Variants in RPS6KC1 observed in about 807,000 individuals in gnomAD.
RPS6KC1 encodes the protein inactive ribosomal protein S6 kinase delta-1.
Under a neutral mutation model 103.8 loss-of-function variants are expected in RPS6KC1, and 54 were observed. The observed-to-expected ratio is 0.52, with a 90% CI of 0.42 to 0.65. RPS6KC1 has a LOEUF of 0.65. Ranked by LOEUF, RPS6KC1 falls within the 30% of genes least tolerant of loss-of-function variation. The pLI is 0.00. For missense variants in RPS6KC1, 1,151 were observed against 1,253.8 expected (o/e 0.92, Z 1.24); for synonymous variants, 439 against 438.7 (o/e 1.00, Z -0.01).
chr1:213,483,016 G>A, the RPS6KC1 span, among the ~76,000 whole-genome samples: 8 of 151,954 alleles, frequency 5.3e-5, 1 homozygote, highest in East Asian at 1.6e-3. Context: ...TGGAATTTTA[G>A]CATCTGAGTT....
At chr1:213,770,550 T>C in the RPS6KC1 span, among the ~76,000 whole-genome samples, 2 of 152,192 alleles carry the variant, frequency 1.3e-5, no homozygotes, top group African/African-American at 2.4e-5. Context: ...TCACAAGGTA[T>C]GTTATGCCCA....
intron 3 of RPS6KC1, among the ~76,000 whole-genome samples, chr1:213,101,358 A>G (rs571966020): frequency 3.9e-4 from 60 of 152,316 alleles, no homozygotes; most frequent in Non-Finnish European, 7.8e-4. Context: ...ATAGGATTCA[A>G]TGTAATTGAA....
chr1:213,686,399 A>T, the RPS6KC1 span, among the ~76,000 whole-genome samples: 81 of 152,200 alleles, frequency 5.3e-4, no homozygotes, highest in Admixed American at 2.2e-3. Context: ...ATTCCTGGCC[A>T]CTCACCCATC....
chr1:213,625,791 G>A, the RPS6KC1 span, among the ~76,000 whole-genome samples: 2 of 152,038 alleles, frequency 1.3e-5, no homozygotes, highest in Non-Finnish European at 2.9e-5. Context: ...AGTATTCCAT[G>A]GTGTATATGT....
At chr1:213,247,882 T>C (rs764548341) in intron 12 of RPS6KC1, among the ~76,000 whole-genome samples, 2 of 152,198 alleles carry the variant, frequency 1.3e-5, no homozygotes, top group African/African-American at 2.4e-5. Flanking sequence ...TTAGGATGAC[T>C]GAGTATATAT....
intron 5 of RPS6KC1, among the ~76,000 whole-genome samples, chr1:213,122,993 G>T (rs887790599): frequency 6.6e-6 from 1 of 152,120 alleles, no homozygotes; most frequent in Non-Finnish European, 1.5e-5. Flanking sequence ...GAGTTTAGGG[G>T]TTGGGTGGGA....
the RPS6KC1 span, among the ~76,000 whole-genome samples, chr1:213,777,176 TTTTCTTC>T: frequency 6.6e-6 from 1 of 152,208 alleles, no homozygotes; most frequent in Non-Finnish European, 1.5e-5. Flanking sequence ...CTGAAGAACT[TTTTCTTC>T]ACATTCGCAA....
chr1:213,288,039 C>T, the RPS6KC1 span, among the ~76,000 whole-genome samples: 1 of 152,200 alleles, frequency 6.6e-6, no homozygotes, highest in African/African-American at 2.4e-5. Context: ...AGGCAGGTAG[C>T]TTTGAAGCCA....
chr1:213,682,980 C>T, the RPS6KC1 span, among the ~76,000 whole-genome samples: 1 of 152,180 alleles, frequency 6.6e-6, no homozygotes, highest in Non-Finnish European at 1.5e-5. Flanking sequence ...AAACATTTGC[C>T]ACACCATTTA....
the RPS6KC1 span, among the ~76,000 whole-genome samples, chr1:213,435,010 G>A: frequency 5.9e-5 from 9 of 152,090 alleles, no homozygotes; most frequent in African/African-American, 1.9e-4. Context: ...TCCATTTACA[G>A]CACTCCTATA....
At chr1:213,337,913 C>A in the RPS6KC1 span, among the ~76,000 whole-genome samples, 78 of 152,124 alleles carry the variant, frequency 5.1e-4, 1 homozygote, top group African/African-American at 1.9e-3. Flanking sequence ...AGGGTAGGGA[C>A]AATTTCTGTG....
chr1:213,644,406 T>G, the RPS6KC1 span, among the ~76,000 whole-genome samples: 1 of 152,074 alleles, frequency 6.6e-6, no homozygotes, highest in East Asian at 1.9e-4. Context: ...ACATTAGGGT[T>G]CCATCTTGAT....
intron 8 of RPS6KC1, among the ~76,000 whole-genome samples, chr1:213,182,186 G>A (rs1352667614): frequency 6.6e-6 from 1 of 152,126 alleles, no homozygotes; most frequent in African/African-American, 2.4e-5. Flanking sequence ...GCTTTTTAAA[G>A]TATACACTAA....
At chr1:213,685,826 A>T in the RPS6KC1 span, among the ~76,000 whole-genome samples, 1 of 152,222 alleles carries the variant, frequency 6.6e-6, no homozygotes, top group African/African-American at 2.4e-5. Flanking sequence ...TTGAAAAATA[A>T]ATAAAAATAA....
At chr1:213,206,614 T>G (rs2093356515) in intron 8 of RPS6KC1, among the ~76,000 whole-genome samples, 1 of 152,358 alleles carries the variant, frequency 6.6e-6, no homozygotes, top group Non-Finnish European at 1.5e-5. Context: ...TTTTTTCTCT[T>G]GAGCCAAATA....
the RPS6KC1 span, among the ~76,000 whole-genome samples, chr1:213,850,032 A>G: frequency 5.1e-3 from 781 of 152,288 alleles, 3 homozygotes; most frequent in Non-Finnish European, 6.7e-3. Flanking sequence ...CGGACAATCA[A>G]ATTGTCTGTA....
the RPS6KC1 span, chr1:213,819,601 T>A: frequency 6.6e-6 from 1 of 152,226 alleles, no homozygotes; most frequent in Non-Finnish European, 1.5e-5. Context: ...TTTCCTTATA[T>A]GCAGAGGAAG....
the RPS6KC1 span, among the ~76,000 whole-genome samples, chr1:213,551,672 C>T: frequency 2.0e-5 from 3 of 152,324 alleles, no homozygotes; most frequent in Non-Finnish European, 4.4e-5. Context: ...CTAAGTGGTA[C>T]GTTTCTTACA....
At chr1:213,532,746 A>G in the RPS6KC1 span, among the ~76,000 whole-genome samples, 1 of 152,058 alleles carries the variant, frequency 6.6e-6, no homozygotes, top group African/African-American at 2.4e-5. Flanking sequence ...TCAGAGGGGG[A>G]TGTGCAGTGT....
Sources: gnomAD v4.1 joint callset for allele counts (sites outside exome capture counted in the v4.1 genomes callset) on GRCh38, gnomAD v4.1.1 for gene constraint, MANE v1.5 for transcripts, NCBI Gene and HGNC (gene_info 2026-07-23, HGNC 2026-07-21) for gene names.